The following RANBP17 variants were observed in gnomAD, a reference collection of about 807,000 sequenced individuals.
RANBP17 encodes ran-binding protein 17.
A neutral mutation model predicts 141.2 loss-of-function variants in RANBP17; 158 were observed. That is an observed-to-expected ratio of 1.12 (90% CI 0.98 to 1.28). The LOEUF (loss-of-function observed/expected upper bound fraction) is 1.28, where lower values mean the gene tolerates loss of function less well. Ranked by LOEUF, RANBP17 falls within the 50% of genes most tolerant of loss-of-function variation. RANBP17 has a pLI of 0.00. For synonymous variants in RANBP17, 430 were observed against 450.0 expected, an observed-to-expected ratio of 0.96 and a Z score of 0.56; for missense variants, 1,438 against 1,290.7, an observed-to-expected ratio of 1.11 and a Z score of -1.75.
intron 14 of RANBP17, among the ~76,000 whole-genome samples, chr5:171,153,279 GC>G (rs1466627249): frequency 6.6e-6 from 1 of 152,190 alleles, no homozygotes; most frequent in Non-Finnish European, 1.5e-5. Flanking sequence ...GTTGGAACCA[GC>G]CAGTGTTTAG....
At position 170,919,539 on chromosome 5, in the gene RANBP17, A is replaced by G. The variant is rs773209935; in HGVS notation, c.1200A>G (p.Leu400=). 8.7e-5 allele frequency: 140 copies of G among 1,611,802 alleles called. No homozygotes were observed. The highest frequency in any genetic ancestry group is 2.2e-5 in the Non-Finnish European group (26 of 1,179,048). The change falls in exon 11 of 28, where the codon CTA becomes CTG. Residue 400 remains leucine (L), a synonymous_variant. Transcript: ENST00000523189. ...TTGTGAAATCAACTGAACCCCACCT[A>G]TTAGACACTTATGCACCAGAAATCA... ...VPFVKSTEPH[L]LDTYAPEITK...
intron 12 of RANBP17, among the ~76,000 whole-genome samples, chr5:170,949,305 TG>T (rs1775016756): frequency 6.6e-6 from 1 of 152,146 alleles, no homozygotes; most frequent in South Asian, 2.1e-4. Flanking sequence ...GCCCACAGAA[TG>T]GGAGAAAATA....
chr5:171,058,815 C>T (rs1346326364), intron 14 of RANBP17, among the ~76,000 whole-genome samples: 2 of 149,928 alleles, frequency 1.3e-5, no homozygotes, highest in African/African-American at 2.5e-5. Flanking sequence ...ACATCCTCTC[C>T]AGCACCTGTT....
intron 21 of RANBP17, among the ~76,000 whole-genome samples, 166 bp downstream of exon 21, chr5:171,213,904 G>C (rs1227372281): frequency 6.6e-6 from 1 of 152,108 alleles, no homozygotes; most frequent in Non-Finnish European, 1.5e-5. Flanking sequence ...TACGATTGAG[G>C]CCTTTTGAGA....
chr5:170,980,075 T>C (rs187303354), intron 14 of RANBP17, among the ~76,000 whole-genome samples: 3 of 152,326 alleles, frequency 2.0e-5, no homozygotes, highest in East Asian at 3.9e-4. Flanking sequence ...ACTCTTACTA[T>C]GTTTTAACAA....
At position 171,065,005 on chromosome 5, in the gene RANBP17, G is replaced by A. The variant is rs79599662; in HGVS notation, c.1710+96628G>A. Among the ~76,000 whole-genome samples the A allele has an allele frequency of 1.4e-3, 211 of 152,178 alleles. 1 individual carries two copies. The highest frequency in any genetic ancestry group is 4.8e-3 in the African/African-American group (200 of 41,510). On this transcript the variant is annotated intron_variant, in intron 14 of 27. Coordinates refer to ENST00000523189, the MANE Select transcript of RANBP17 (RefSeq NM_022897.5). ...TCTTTGGCTATGCACATTTTCCAAC[G>A]TATCATCTTATTTTGTTTTTAATTG... is the stretch of plus-strand genomic sequence containing the variant.
intron 14 of RANBP17, among the ~76,000 whole-genome samples, chr5:170,997,585 G>GTTTGCCTA (rs1778903777): frequency 6.6e-6 from 1 of 152,144 alleles, no homozygotes; most frequent in Admixed American, 6.6e-5. Context: ...ATAGGTTGCT[G>GTTTGCCTA]TTTGCCTATT....
chr5:170,862,074 G>T, intron 1 of RANBP17, 23 bp downstream of exon 1: 1 of 1,446,020 alleles, frequency 6.9e-7, no homozygotes, highest in Admixed American at 2.7e-5. Flanking sequence ...TGCGCCGCGG[G>T]CCCGCGCTCC....
chr5:170,961,760 G>A (rs187462743), intron 13 of RANBP17, among the ~76,000 whole-genome samples: 8 of 152,268 alleles, frequency 5.3e-5, no homozygotes, highest in African/African-American at 1.9e-4. Context: ...TGTATATATT[G>A]GTATGTATAG....
rs1344148868 is a variant in RANBP17, at chr5:171,192,492, C to T, written c.2039-7178C>T. On this transcript the variant is annotated intron_variant, in intron 18 of 27. Coordinates refer to ENST00000523189, the MANE Select transcript of RANBP17 (RefSeq NM_022897.5). Reference sequence around the variant, plus strand: ...TGCAGTGGGCAGTGTATTTTTTTTCCGGGAACTAAAATAAACACTCTGGTT... The same window carrying T: ...TGCAGTGGGCAGTGTATTTTTTTTCTGGGAACTAAAATAAACACTCTGGTT... 4.6e-5 allele frequency among the ~76,000 whole-genome samples: 7 copies of T among 151,810 alleles called. No homozygotes were observed. In the South Asian group the frequency reaches 6.2e-4, roughly 14 times the overall value.
intron 14 of RANBP17, among the ~76,000 whole-genome samples, chr5:171,144,238 C>T (rs564156023): frequency 2.0e-5 from 3 of 152,116 alleles, no homozygotes; most frequent in African/African-American, 7.2e-5. Context: ...GTGGTGTGCA[C>T]TACTCCCAGT....
intron 14 of RANBP17, among the ~76,000 whole-genome samples, chr5:170,993,484 T>C (rs1261574146): frequency 6.6e-6 from 1 of 152,038 alleles, no homozygotes; most frequent in African/African-American, 2.4e-5. Context: ...TTTCTAGGAT[T>C]TTGGCTTCAG....
chr5:171,006,243 T>C (rs1262111545), intron 14 of RANBP17, among the ~76,000 whole-genome samples: 1 of 152,224 alleles, frequency 6.6e-6, no homozygotes, highest in African/African-American at 2.4e-5. Flanking sequence ...ATCCCATTAC[T>C]GGGTATATAC....
At chr5:171,274,117 T>C (rs1767319297) in intron 25 of RANBP17, among the ~76,000 whole-genome samples, 1 of 106,200 alleles carries the variant, frequency 9.4e-6, no homozygotes, top group South Asian at 3.2e-4. Flanking sequence ...ATCAAGTGTG[T>C]GTGTGTGTGT....
intron 14 of RANBP17, among the ~76,000 whole-genome samples, chr5:171,019,168 A>G (rs2127599640): frequency 6.6e-6 from 1 of 152,300 alleles, no homozygotes; most frequent in Middle Eastern, 3.4e-3. Flanking sequence ...CCAGTAATTA[A>G]TTGAGAATTT....
chr5:171,192,710 A>G (rs1761729036), intron 18 of RANBP17, among the ~76,000 whole-genome samples: 1 of 152,220 alleles, frequency 6.6e-6, no homozygotes, highest in African/African-American at 2.4e-5. Flanking sequence ...AGAAGCATTG[A>G]CTACTGCTGG....
In RANBP17 at chr5:170,970,743, A is replaced by G. The variant is rs562853445; in HGVS notation, c.1710+2366A>G. 8 of 152,002 alleles carry G rather than the reference A, an allele frequency of 5.3e-5. No individual in the cohort carries two copies. In the South Asian group the frequency reaches 1.7e-3, roughly 32 times the overall value. 9.4% of individuals were successfully genotyped at this position (152,002 alleles called of 1,614,324 possible). ...CTCTGCCTTATTCTGCCAACTACTT[A>G]TTGTTATCAGAGACCCCATCCTTTA... is the stretch of plus-strand genomic sequence containing the variant. On this transcript the variant is annotated intron_variant, in intron 14 of 27. Coordinates refer to ENST00000523189, the MANE Select transcript of RANBP17 (RefSeq NM_022897.5).
chr5:170,936,983 A>G (rs1045872042), intron 12 of RANBP17, among the ~76,000 whole-genome samples: 10 of 152,194 alleles, frequency 6.6e-5, no homozygotes, highest in Non-Finnish European at 1.5e-4. Flanking sequence ...TTTATGTAGT[A>G]TATCTTTCTC....
chr5:171,127,669 C>A (rs904537239), intron 14 of RANBP17, among the ~76,000 whole-genome samples: 2 of 152,050 alleles, frequency 1.3e-5, no homozygotes, highest in African/African-American at 4.8e-5. Context: ...GTCTTCTCAT[C>A]GCAGTTAGAA....
Sources: allele counts gnomAD v4.1 joint callset (sites outside exome capture counted in the v4.1 genomes callset), GRCh38; gene constraint gnomAD v4.1.1; transcripts MANE v1.5; gene names NCBI Gene and HGNC (gene_info 2026-07-23, HGNC 2026-07-21).